Variants in LINGO1 observed in about 807,000 individuals in gnomAD.
LINGO1 encodes leucine-rich repeat and immunoglobulin-like domain-containing nogo receptor-interacting protein 1.
Under a neutral mutation model 37.3 loss-of-function variants are expected in LINGO1, and 11 were observed. That is an observed-to-expected ratio of 0.29 (90% CI 0.19 to 0.49). LINGO1 has a LOEUF of 0.49. Ranked by LOEUF, LINGO1 falls within the 20% of genes least tolerant of loss-of-function variation. LINGO1 has a pLI of 0.99. For synonymous variants in LINGO1, 387 were observed against 403.0 expected, an observed-to-expected ratio of 0.96 and a Z score of 0.48; for missense variants, 585 against 878.2, an observed-to-expected ratio of 0.67 and a Z score of 4.22.
In LINGO1 at chr15:77,813,910, C is replaced by A. The variant is rs553974233; in HGVS notation, c.-458+6348G>T. 4.6e-5 allele frequency among the ~76,000 whole-genome samples: 7 copies of A among 152,348 alleles called. No individual in the cohort carries two copies. In the South Asian group the frequency reaches 1.4e-3, roughly 32 times the overall value. The stretch of plus-strand genomic sequence containing the variant: ...CCTCCCCACCCTGCCCCAGAAGGCT[C>A]AGGCCTGCTCGCCTTAGCATGGCCA... On this transcript the variant is annotated intron_variant, in intron 1 of 5. Transcript: ENST00000562933.
rs150892551 is a variant in LINGO1, at chr15:77,705,361, G to T, written c.-194-14460C>A. ...ATTCCTGGAATGCCGGAAGGAAAGG[G>T]TGCTATGCCTCACTCGTTCCCGGGG... On this transcript the variant is annotated intron_variant, in intron 2 of 3. Transcript: ENST00000561686. Among the ~76,000 whole-genome samples the T allele has an allele frequency of 4.6e-3, 698 of 152,296 alleles. 5 individuals carry two copies. Among genetic ancestry groups the T allele is most frequent in the African/African-American group, 0.016 (667 of 41,550 alleles).
At chr15:77,685,013 G>A (rs1274571207) in intron 2 of LINGO1, among the ~76,000 whole-genome samples, 1 of 149,178 alleles carries the variant, frequency 6.7e-6, no homozygotes, top group Non-Finnish European at 1.5e-5. Context: ...CTAGAAGGAT[G>A]GGGGGTGTGG....
intron 1 of LINGO1, among the ~76,000 whole-genome samples, chr15:77,695,421 G>C (rs2075674449): frequency 6.6e-6 from 1 of 152,170 alleles, no homozygotes; most frequent in African/African-American, 2.4e-5. Flanking sequence ...GGCAGCTCTG[G>C]AAGCCACCCT....
In LINGO1 at chr15:77,614,973, G is replaced by A. The variant is rs759061384; in HGVS notation, c.934C>T (p.Arg312Trp). Residue 312 changes from arginine to tryptophan, a missense_variant, in exon 2 of 2, where the codon CGG becomes TGG. Physicochemically the swap from Arg to Trp is moderately radical, Grantham distance 101. Around this residue, in one of 4 missense-constraint regions of LINGO1, gnomAD observed 484 missense variants for 735.0 expected, o/e 0.66. Coordinates refer to ENST00000355300, the MANE Select transcript of LINGO1 (RefSeq NM_032808.7). ...IEGSMLHELL[R>W]LQEIQLVGGQ... The stretch of plus-strand genomic sequence containing the variant: ...CCCACCAGCTGGATCTCCTGCAGCC[G>A]GAGCAGCTCATGCAACATGGAGCCC... 2 of 1,613,938 alleles carry A rather than the reference G, an allele frequency of 1.2e-6. No homozygotes were observed. The highest frequency in any genetic ancestry group is 1.7e-6 in the Non-Finnish European group (2 of 1,179,858).
At chr15:77,647,977 C>G in intron 3 of LINGO1, 1 of 454,592 alleles carries the variant, frequency 2.2e-6, no homozygotes, top group South Asian at 1.6e-5. Flanking sequence ...ATATCTATTT[C>G]CTTGCCTCCT....
At chr15:77,759,672 A>G (rs2076455040) in intron 1 of LINGO1, among the ~76,000 whole-genome samples, 1 of 152,222 alleles carries the variant, frequency 6.6e-6, no homozygotes, top group Non-Finnish European at 1.5e-5. Context: ...CAGCTGAGAA[A>G]GGAGACCACA....
intron 2 of LINGO1, among the ~76,000 whole-genome samples, chr15:77,728,754 C>T (rs562377809): frequency 6.6e-6 from 1 of 152,248 alleles, no homozygotes; most frequent in African/African-American, 2.4e-5. Context: ...CCCCACTCTG[C>T]CACTTAAGGA....
rs79748224 is a variant in LINGO1, at chr15:77,693,763, G to C, written c.-281+2628C>G. Among the ~76,000 whole-genome samples the C allele has an allele frequency of 4.6e-3, 707 of 152,274 alleles. 7 individuals are homozygous for C. The highest frequency in any genetic ancestry group is 0.016 in the African/African-American group (681 of 41,566). ...CAGATTCGGGCAGTGTGTTGTGGCAGAACCAGCTGGCTGATCAGCTGGATG... is the reference window on the plus strand; with the variant it reads ...CAGATTCGGGCAGTGTGTTGTGGCACAACCAGCTGGCTGATCAGCTGGATG... On this transcript the variant is annotated intron_variant, in intron 1 of 3. Coordinates refer to the LINGO1 transcript ENST00000559893.
upstream of LINGO1, among the ~76,000 whole-genome samples, chr15:77,634,623 G>C (rs1264906499): frequency 6.6e-6 from 1 of 152,188 alleles, no homozygotes; most frequent in East Asian, 1.9e-4. Flanking sequence ...CAGGGGGCAG[G>C]CTCGGCAGAA....
intron 1 of LINGO1, among the ~76,000 whole-genome samples, chr15:77,803,655 A>C (rs1403513631): frequency 6.6e-6 from 1 of 151,816 alleles, no homozygotes; most frequent in Non-Finnish European, 1.5e-5. Context: ...GTGATAGTTG[A>C]GTTCTCAACA....
At chr15:77,771,684 A>C (rs2076587241) in intron 1 of LINGO1, among the ~76,000 whole-genome samples, 1 of 152,158 alleles carries the variant, frequency 6.6e-6, no homozygotes. Context: ...CTAGGCTAGG[A>C]GGCTGGGGTG....
chr15:77,646,045 G>A (rs1179948950), intron 3 of LINGO1, among the ~76,000 whole-genome samples: 1 of 152,266 alleles, frequency 6.6e-6, no homozygotes, highest in Non-Finnish European at 1.5e-5. Flanking sequence ...TTTAGAGGCT[G>A]GGGAGTGGGC....
intron 2 of LINGO1, among the ~76,000 whole-genome samples, chr15:77,724,754 T>G (rs932691629): frequency 1.4e-4 from 22 of 152,128 alleles, no homozygotes; most frequent in African/African-American, 5.3e-4. Context: ...CCCCCGAGTC[T>G]CCCTACTACC....
intron 1 of LINGO1, among the ~76,000 whole-genome samples, chr15:77,748,855 CTTATTTATTTATTTAT>C (rs71145856): frequency 2.3e-4 from 30 of 128,774 alleles, no homozygotes; most frequent in African/African-American, 7.0e-4. Flanking sequence ...GGCCCCTAGC[CTTATTTATTTATTTAT>C]TTATTTATTT....
At chr15:77,764,219 C>T (rs1206885867) in intron 1 of LINGO1, among the ~76,000 whole-genome samples, 1 of 152,218 alleles carries the variant, frequency 6.6e-6, no homozygotes, top group Non-Finnish European at 1.5e-5. Context: ...CTCTCTGCCC[C>T]TTCCAAGGGC....
chr15:77,672,000 GCCTCCTCCTCCTCCT>G (rs10559337), intron 3 of LINGO1, among the ~76,000 whole-genome samples: 6 of 145,680 alleles, frequency 4.1e-5, no homozygotes, highest in South Asian at 2.1e-4. Context: ...ATGAGCCTCT[GCCTCCTCCTCCTCCT>G]CCTCCTCCTC....
At chr15:77,697,711 C>T (rs182899128), upstream of LINGO1, among the ~76,000 whole-genome samples, 72 of 152,238 alleles carry the variant, frequency 4.7e-4, no homozygotes, top group Middle Eastern at 3.4e-3. Context: ...TGTGTGAAAG[C>T]GGGAGCCTGA....
intron 2 of LINGO1, chr15:77,720,820 C>T (rs1441739762): frequency 6.6e-6 from 1 of 152,094 alleles, no homozygotes; most frequent in Admixed American, 6.5e-5. Context: ...CTTCAGCTGC[C>T]TTCCAGACAG....
chr15:77,774,881 G>A (rs2076622033), intron 1 of LINGO1, among the ~76,000 whole-genome samples: 1 of 152,170 alleles, frequency 6.6e-6, no homozygotes, highest in Non-Finnish European at 1.5e-5. Flanking sequence ...AGTGCCCAGT[G>A]TTCTCCCTCC....
Sources: allele counts gnomAD v4.1 joint callset (sites outside exome capture counted in the v4.1 genomes callset), GRCh38; gene constraint gnomAD v4.1.1; regional missense constraint gnomAD v4.1.1; transcripts MANE v1.5; gene names NCBI Gene and HGNC (gene_info 2026-07-23, HGNC 2026-07-21).